Variants in SCG5 observed in about 807,000 individuals in gnomAD.
SCG5 encodes the protein neuroendocrine protein 7B2.
SCG5 carries 18 observed loss-of-function variants against 25.7 expected under a neutral mutation model. The observed-to-expected ratio is 0.70, with a 90% CI of 0.48 to 1.04. The LOEUF (loss-of-function observed/expected upper bound fraction) is 1.04. SCG5 is among the 50% of genes least tolerant of loss of function. The pLI, the probability that SCG5 is intolerant of heterozygous loss-of-function variation, is 0.00. For missense variants in SCG5, 206 were observed against 259.8 expected (o/e 0.79, Z 1.42); for synonymous variants, 101 against 91.7 (o/e 1.10, Z -0.58).
At chr15:32,653,181 T>C (rs920780415) in intron 2 of SCG5, among the ~76,000 whole-genome samples, 1 of 152,264 alleles carries the variant, frequency 6.6e-6, no homozygotes, top group African/African-American at 2.4e-5. Context: ...TTAGTAATTC[T>C]AAACAGTGAT....
chr15:32,646,748 G>T (rs2053949839), intron 2 of SCG5, among the ~76,000 whole-genome samples: 1 of 152,078 alleles, frequency 6.6e-6, no homozygotes, highest in African/African-American at 2.4e-5. Context: ...GAATTTGTTG[G>T]GTGGTCTGAT....
intron 4 of SCG5, among the ~76,000 whole-genome samples, chr15:32,691,154 T>G (rs1159373980): frequency 6.6e-6 from 1 of 152,046 alleles, no homozygotes; most frequent in Non-Finnish European, 1.5e-5. Context: ...TGCCAAGAAG[T>G]TTTTTGGCAG....
intron 2 of SCG5, among the ~76,000 whole-genome samples, chr15:32,648,814 C>A (rs1191800043): frequency 6.6e-6 from 1 of 151,766 alleles, no homozygotes; most frequent in African/African-American, 2.4e-5. Context: ...CTCTGTCCCC[C>A]AGGCTGGAGT....
At chr15:32,688,773 A>G (rs936439573) in intron 4 of SCG5, among the ~76,000 whole-genome samples, 1 of 152,054 alleles carries the variant, frequency 6.6e-6, no homozygotes, top group African/African-American at 2.4e-5. Flanking sequence ...CCTGGCTAAC[A>G]CAGTGAAACC....
In SCG5 at chr15:32,684,624, G is replaced by A. The variant is rs765603902; in HGVS notation, c.444G>A (p.Gln148=). ...AEFSREFQLH[Q]HLFDPEHDYP... The stretch of plus-strand genomic sequence containing the variant: ...TCAGTCGAGAGTTCCAGTTGCACCA[G>A]CATCTCTTTGATCCGGAACATGACT... The change falls in exon 4 of 6, where the codon CAG becomes CAA. Residue 148 remains glutamine (Q), a synonymous_variant. Transcript: ENST00000300175. 1 of 1,613,792 alleles carries A rather than the reference G, an allele frequency of 6.2e-7. No individual in the cohort carries two copies. Among genetic ancestry groups the A allele is most frequent in the African/African-American group, 1.3e-5 (1 of 75,046 alleles).
At chr15:32,659,884 A>G (rs1485328462) in intron 2 of SCG5, among the ~76,000 whole-genome samples, 3 of 152,088 alleles carry the variant, frequency 2.0e-5, no homozygotes, top group African/African-American at 7.2e-5. Flanking sequence ...TCCTTTAAAA[A>G]AAAAAAAATC....
intron 2 of SCG5, among the ~76,000 whole-genome samples, chr15:32,672,256 T>TCCCTGGCACCAGGCTGCCC (rs2054439912): frequency 1.3e-5 from 2 of 152,218 alleles, no homozygotes; most frequent in Non-Finnish European, 2.9e-5. Context: ...GGCGACTGGC[T>TCCCTGGCACCAGGCTGCCC]CCCTGGCACC....
chr15:32,677,939 A>G (rs533344278), intron 2 of SCG5, among the ~76,000 whole-genome samples: 4 of 152,356 alleles, frequency 2.6e-5, no homozygotes, highest in Admixed American at 6.5e-5. Flanking sequence ...TTTGGTGCTC[A>G]GAATAGGTTT....
At chr15:32,694,305 A>T (rs926305890) in intron 5 of SCG5, among the ~76,000 whole-genome samples, 1 of 152,156 alleles carries the variant, frequency 6.6e-6, no homozygotes, top group Non-Finnish European at 1.5e-5. Flanking sequence ...TGAGAGATAG[A>T]TTCTCCTCAA....
chr15:32,665,332 AC>A (rs2054300441), intron 2 of SCG5, among the ~76,000 whole-genome samples: 1 of 151,404 alleles, frequency 6.6e-6, no homozygotes. Context: ...GTTTATTTAA[AC>A]GATCACATCA....
intron 3 of SCG5, among the ~76,000 whole-genome samples, chr15:32,682,443 A>G (rs1204999234): frequency 2.0e-5 from 3 of 152,232 alleles, no homozygotes; most frequent in Non-Finnish European, 2.9e-5. Flanking sequence ...TCCAAAGAGC[A>G]TACAGTGTAG....
At chr15:32,649,657 G>A (rs955938695) in intron 2 of SCG5, among the ~76,000 whole-genome samples, 2 of 152,118 alleles carry the variant, frequency 1.3e-5, no homozygotes, top group African/African-American at 4.8e-5. Flanking sequence ...GAGAGGATTG[G>A]GGGTTATGTT....
Position 32,676,453 on chromosome 15 carries a change from G to A in SCG5, c.227-3313G>A, listed in dbSNP as rs28394783. 6.0e-3 allele frequency among the ~76,000 whole-genome samples: 920 copies of A among 152,248 alleles called. 8 individuals carry two copies. Among genetic ancestry groups the A allele is most frequent in the Non-Finnish European group, 9.0e-3 (613 of 68,024 alleles). ...GATAATTCCTGGCACTTAATGCTAG[G>A]GTGCTTTCAAAAGTTGAGACATGTA... On this transcript the variant is annotated intron_variant, in intron 2 of 5. Coordinates refer to ENST00000300175, the MANE Select transcript of SCG5 (RefSeq NM_001144757.3).
chr15:32,653,928 C>T (rs917504914), intron 2 of SCG5, among the ~76,000 whole-genome samples: 7 of 152,126 alleles, frequency 4.6e-5, no homozygotes, highest in Non-Finnish European at 1.0e-4. Context: ...GTCATCAAGC[C>T]TCCATTTCCT....
At chr15:32,681,682 T>G (rs1442210223) in intron 3 of SCG5, among the ~76,000 whole-genome samples, 3 of 152,178 alleles carry the variant, frequency 2.0e-5, no homozygotes, top group African/African-American at 7.2e-5. Flanking sequence ...ACTTCAGAGC[T>G]CAAACGATCC....
rs1056414137 is a variant in SCG5 at position 32,677,799 on chromosome 15, T to A, written c.227-1967T>A. On this transcript the variant is annotated intron_variant, in intron 2 of 5. Coordinates refer to ENST00000300175, the MANE Select transcript of SCG5 (RefSeq NM_001144757.3). ...CTGCTGTGGTCCTGGAAAAGGAAGCTTCATGAGCCTTATAGAATGTTAAGG... is the reference window on the plus strand; with the variant it reads ...CTGCTGTGGTCCTGGAAAAGGAAGCATCATGAGCCTTATAGAATGTTAAGG... The A allele has an allele frequency of 2.6e-5, 4 of 152,316 alleles. No homozygotes were observed. In the East Asian group the frequency reaches 7.7e-4, roughly 29 times the overall value. The allele number at this position is 152,316 out of a possible 1,614,324, so 9.4% of individuals were successfully genotyped here.
intron 2 of SCG5, among the ~76,000 whole-genome samples, chr15:32,664,542 G>A (rs2054288381): frequency 6.6e-6 from 1 of 152,174 alleles, no homozygotes; most frequent in Admixed American, 6.5e-5. Flanking sequence ...TGTGAGGCCT[G>A]AAACTCATGC....
rs754475608 is a variant in SCG5, at chr15:32,696,839, A to G, written c.*230A>G. On this transcript the variant is annotated 3_prime_UTR_variant, in exon 6 of 6. Coordinates refer to ENST00000300175, the MANE Select transcript of SCG5 (RefSeq NM_001144757.3). ...TGGGTTTTTAAAATGTGAATCTGCA[A>G]TGATCATAAAAATTAAAATGTGAAT... 42 of 380,572 alleles carry G rather than the reference A, an allele frequency of 1.1e-4. No homozygotes were observed. Among genetic ancestry groups the G allele is most frequent in the Non-Finnish European group, 1.7e-4 (37 of 211,726 alleles). 23.6% of individuals were successfully genotyped at this position (380,572 alleles called of 1,614,324 possible).
At chr15:32,642,939 G>C (rs968663294) in intron 1 of SCG5, among the ~76,000 whole-genome samples, 2 of 152,202 alleles carry the variant, frequency 1.3e-5, no homozygotes, top group African/African-American at 4.8e-5. Flanking sequence ...GTTTTGCAGA[G>C]GAGGAAACTG....
Sources: allele counts gnomAD v4.1 joint callset (sites outside exome capture counted in the v4.1 genomes callset), GRCh38; gene constraint gnomAD v4.1.1; transcripts MANE v1.5; gene names NCBI Gene and HGNC (gene_info 2026-07-23, HGNC 2026-07-21).